Variants in NIPSNAP1 observed in about 807,000 individuals in gnomAD.
NIPSNAP1 encodes the protein nipsnap homolog 1.
Under a neutral mutation model 49.2 loss-of-function variants are expected in NIPSNAP1, and 25 were observed. The observed-to-expected ratio is 0.51, with a 90% CI of 0.37 to 0.71. The LOEUF (loss-of-function observed/expected upper bound fraction) is 0.71. Among genes scored for constraint, NIPSNAP1 ranks in the 30% least tolerant of loss-of-function variants. The pLI is 0.00. For synonymous variants in NIPSNAP1, 143 were observed against 140.7 expected (o/e 1.02, Z -0.12); for missense variants, 294 against 361.0 (o/e 0.81, Z 1.50).
In NIPSNAP1 at chr22:29,574,275, A is replaced by AG. The variant is rs1202476381; in HGVS notation, c.99-3744_99-3743insC. On this transcript the variant is annotated intron_variant, in intron 1 of 9. Coordinates refer to ENST00000216121, the MANE Select transcript of NIPSNAP1 (RefSeq NM_003634.4). ...CTCCATCTTCACAAAAAAAAAAAAA[A>AG]AAAAAAAAAAAAAAAAAGAAAGAAA... Among the ~76,000 whole-genome samples the AG allele has an allele frequency of 6.3e-4, 91 of 144,624 alleles. 8 individuals carry two copies. The highest frequency in any genetic ancestry group is 5.4e-3 in the East Asian group (26 of 4,800). 94.9% of individuals were successfully genotyped at this position (144,624 alleles called of 152,430 possible).
intron 1 of NIPSNAP1, among the ~76,000 whole-genome samples, chr22:29,578,980 T>G (rs1334049693): frequency 1.3e-5 from 2 of 151,298 alleles, no homozygotes; most frequent in African/African-American, 4.9e-5. Flanking sequence ...CAACATTATG[T>G]GGGTCACATG....
chr22:29,569,891 G>A (rs2267147), intron 3 of NIPSNAP1: 110,902 of 471,128 alleles, frequency 0.24, 13,857 homozygotes, highest in Non-Finnish European at 0.28. Context: ...TGGGAGGCTG[G>A]AACAGGAGAA....
At chr22:29,565,191 G>A (rs2064360942) in intron 4 of NIPSNAP1, among the ~76,000 whole-genome samples, 2 of 151,844 alleles carry the variant, frequency 1.3e-5, no homozygotes, top group Non-Finnish European at 2.9e-5. Context: ...GTGACAGAGC[G>A]AGACCCTGTC....
chr22:29,556,399 T>C (rs534916521), intron 9 of NIPSNAP1, among the ~76,000 whole-genome samples: 52 of 151,836 alleles, frequency 3.4e-4, no homozygotes, highest in Non-Finnish European at 6.3e-4. Context: ...TGGCACATGC[T>C]TGTAATCCTA....
chr22:29,562,031 G>A (rs1291374575), intron 4 of NIPSNAP1, among the ~76,000 whole-genome samples, 169 bp from the exon 5 acceptor site: 1 of 152,098 alleles, frequency 6.6e-6, no homozygotes, highest in African/African-American at 2.4e-5. Flanking sequence ...GCTGGGGAGG[G>A]GATGACCCTA....
intron 1 of NIPSNAP1, among the ~76,000 whole-genome samples, chr22:29,578,189 C>G (rs531795898): frequency 1.3e-5 from 2 of 151,120 alleles, no homozygotes; most frequent in African/African-American, 4.9e-5. Flanking sequence ...AGTCACCAGG[C>G]CTGGCCTGGC....
chr22:29,555,686 T>A lies in NIPSNAP1; in HGVS notation c.*249A>T, dbSNP rs1258309000. The A allele has an allele frequency of 3.7e-6, 2 of 535,838 alleles. No individual in the cohort carries two copies. The highest frequency in any genetic ancestry group is 6.8e-6 in the Non-Finnish European group (2 of 295,104). 33.2% of individuals were successfully genotyped at this position (535,838 alleles called of 1,614,324 possible). ...AATGAAGGCCTAAAAGATCACTATC[T>A]TTCATTCAGGGAAATCAGAAACTAC... On this transcript the variant is annotated 3_prime_UTR_variant, in exon 10 of 10. Coordinates refer to ENST00000216121, the MANE Select transcript of NIPSNAP1 (RefSeq NM_003634.4).
At chr22:29,562,882 G>A (rs1231984933) in intron 4 of NIPSNAP1, among the ~76,000 whole-genome samples, 1 of 151,622 alleles carries the variant, frequency 6.6e-6, no homozygotes, top group African/African-American at 2.4e-5. Context: ...GGTGGATCAC[G>A]AGGTCAGGAG....
intron 4 of NIPSNAP1, among the ~76,000 whole-genome samples, chr22:29,565,498 G>GT (rs2064362930): frequency 6.6e-6 from 1 of 152,132 alleles, no homozygotes; most frequent in Admixed American, 6.6e-5. Context: ...GGGCAACAGA[G>GT]TGAGACTCGG....
At position 29,561,515 on chromosome 22, in the gene NIPSNAP1, G is replaced by A; in HGVS notation, c.570C>T (p.Tyr190=). Residue 190 remains tyrosine, a synonymous_variant, in exon 6 of 10, where the codon TAC becomes TAT. Coordinates refer to ENST00000216121, the MANE Select transcript of NIPSNAP1 (RefSeq NM_003634.4). ...TGTCGGAGGGAGGCACCTTGAGCTT[G>A]TATGTCCTCAGCTCATAGATGTTGG... is the stretch of plus-strand genomic sequence containing the variant. The part of the protein sequence containing the change: ...MGPNIYELRT[Y]KLKPGTMIEW... The A allele has an allele frequency of 6.2e-7, 1 of 1,614,100 alleles. No homozygotes were observed. Among genetic ancestry groups the A allele is most frequent in the South Asian group, 1.1e-5 (1 of 91,088 alleles).
chr22:29,559,060 C>T (rs2064315900), intron 8 of NIPSNAP1, 107 bp from the exon 9 acceptor site: 3 of 798,054 alleles, frequency 3.8e-6, no homozygotes, highest in African/African-American at 3.4e-5. Context: ...GCTGTCTCCT[C>T]CTCCCTAGAT....
At chr22:29,565,375 G>C (rs942135764) in intron 4 of NIPSNAP1, among the ~76,000 whole-genome samples, 9 of 152,120 alleles carry the variant, frequency 5.9e-5, no homozygotes, top group Non-Finnish European at 1.0e-4. Flanking sequence ...AGCCAGGCAT[G>C]GTGGTTCATA....
At chr22:29,568,729 T>G (rs549537187) in intron 4 of NIPSNAP1, among the ~76,000 whole-genome samples, 29 of 151,798 alleles carry the variant, frequency 1.9e-4, no homozygotes, top group Non-Finnish European at 3.1e-4. Flanking sequence ...GAGGCGGAGG[T>G]TGCAGTGAGC....
intron 3 of NIPSNAP1, chr22:29,569,765 G>T: frequency 2.9e-6 from 1 of 341,742 alleles, no homozygotes; most frequent in South Asian, 2.5e-5. Context: ...GAGGCAGGTG[G>T]ATCACCTGAG....
chr22:29,561,405 G>C (rs763788072), intron 6 of NIPSNAP1, 101 bp downstream of exon 6: 5 of 1,550,196 alleles, frequency 3.2e-6, no homozygotes, highest in Non-Finnish European at 4.4e-6. Context: ...CCCATAGGGA[G>C]GGAGAAGCCA....
At position 29,571,694 on chromosome 22, in the gene NIPSNAP1, C is replaced by T. The variant is rs77376542; in HGVS notation, c.99-1162G>A. ...GGCAAGAGGGATCCCTGAGTGGCAG[C>T]AAGCCTTATCCCTTTTTTCTTTTTT... On this transcript the variant is annotated intron_variant, in intron 1 of 9. Coordinates refer to ENST00000216121, the MANE Select transcript of NIPSNAP1 (RefSeq NM_003634.4). Among the ~76,000 whole-genome samples the T allele has an allele frequency of 6.3e-3, 957 of 152,300 alleles. 43 individuals carry two copies. In the East Asian group the frequency reaches 0.12, roughly 19 times the overall value.
intron 9 of NIPSNAP1, 138 bp from the exon 10 acceptor site, chr22:29,556,137 C>T (rs1029655683): frequency 1.2e-5 from 8 of 691,774 alleles, no homozygotes; most frequent in South Asian, 6.9e-5. Context: ...CCATTGCCCT[C>T]GTGGAAGGGC....
chr22:29,574,369 T>C (rs2146616028), intron 1 of NIPSNAP1, among the ~76,000 whole-genome samples: 2 of 151,498 alleles, frequency 1.3e-5, no homozygotes, highest in South Asian at 4.2e-4. Flanking sequence ...GAATAGGAGA[T>C]GGCTAAATTT....
chr22:29,580,267 G>C, intron 1 of NIPSNAP1: 1 of 1,273,524 alleles, frequency 7.9e-7, no homozygotes. Flanking sequence ...CAGGGCTGTG[G>C]GGACCAAGGA....
Sources: allele counts gnomAD v4.1 joint callset (sites outside exome capture counted in the v4.1 genomes callset), GRCh38; gene constraint gnomAD v4.1.1; transcripts MANE v1.5; gene names NCBI Gene and HGNC (gene_info 2026-07-23, HGNC 2026-07-21).